Variants in GSG1L observed in about 807,000 individuals in gnomAD.
The protein encoded by GSG1L is germ cell-specific gene 1-like protein.
Under a neutral mutation model 42.1 loss-of-function variants are expected in GSG1L, and 24 were observed. The ratio of observed to expected loss-of-function variants is 0.57; its 90% CI spans 0.41 to 0.80. The LOEUF is 0.80. GSG1L is among the 30% of genes least tolerant of loss of function. GSG1L has a pLI of 0.00. For synonymous variants in GSG1L, 215 were observed against 203.5 expected (o/e 1.06, Z -0.48); for missense variants, 445 against 472.2 (o/e 0.94, Z 0.53).
chr16:27,969,473 T>C (rs1009728010), intron 1 of GSG1L, among the ~76,000 whole-genome samples: 1 of 152,228 alleles, frequency 6.6e-6, no homozygotes, highest in African/African-American at 2.4e-5. Flanking sequence ...AATCATACAA[T>C]ACAATCATAT....
intron 1 of GSG1L, among the ~76,000 whole-genome samples, chr16:27,994,677 G>C (rs746215080): frequency 1.3e-5 from 2 of 152,094 alleles, no homozygotes; most frequent in Non-Finnish European, 2.9e-5. Context: ...TAAGAAGACT[G>C]TGAGTCAATA....
intron 2 of GSG1L, among the ~76,000 whole-genome samples, chr16:27,957,889 A>G (rs117838040): frequency 0.023 from 3,474 of 152,238 alleles, 85 homozygotes; most frequent in Non-Finnish European, 0.036. Context: ...ACATGGCAAG[A>G]GAGAGAGTGA....
intron 1 of GSG1L, among the ~76,000 whole-genome samples, chr16:28,008,740 C>G (rs1567554105): frequency 6.6e-6 from 1 of 152,214 alleles, no homozygotes; most frequent in Admixed American, 6.5e-5. Flanking sequence ...CCTCACTGCA[C>G]ATTTGAGTTA....
chr16:28,050,786 G>C (rs987279986), intron 1 of GSG1L, among the ~76,000 whole-genome samples: 1 of 152,038 alleles, frequency 6.6e-6, no homozygotes, highest in Admixed American at 6.6e-5. Context: ...GAGTTCCAGG[G>C]GTCATTTCTG....
chr16:27,810,988 C>CA lies in GSG1L; in HGVS notation c.831-3435dup, dbSNP rs544812273. The stretch of plus-strand genomic sequence containing the variant: ...CAGGTGTGAACCACCACGCCCGGCC[C>CA]AAAAAAGTCTTTTAATAAAAACATC... On this transcript the variant is annotated intron_variant, in intron 5 of 6. Transcript: ENST00000447459. 5.0e-3 allele frequency among the ~76,000 whole-genome samples: 757 copies of CA among 150,532 alleles called. 7 individuals carry two copies. Among genetic ancestry groups the CA allele is most frequent in the Middle Eastern group, 0.014 (4 of 294 alleles).
chr16:27,833,779 T>C (rs2140971347), intron 4 of GSG1L, among the ~76,000 whole-genome samples: 1 of 152,284 alleles, frequency 6.6e-6, no homozygotes, highest in South Asian at 2.1e-4. Context: ...TGATTTTGTA[T>C]TTTTATCTTC....
intron 3 of GSG1L, among the ~76,000 whole-genome samples, chr16:27,859,400 G>A (rs1047971618): frequency 2.0e-5 from 3 of 152,234 alleles, no homozygotes; most frequent in Non-Finnish European, 4.4e-5. Context: ...GCATGGAGGG[G>A]GGTCTCGGCA....
intron 2 of GSG1L, among the ~76,000 whole-genome samples, chr16:27,891,092 A>C (rs1034139509): frequency 6.6e-6 from 1 of 152,086 alleles, no homozygotes; most frequent in Non-Finnish European, 1.5e-5. Flanking sequence ...GACGTACACC[A>C]ACCTGCCCCC....
intron 3 of GSG1L, among the ~76,000 whole-genome samples, chr16:27,850,096 T>C (rs1318626872): frequency 7.3e-6 from 1 of 136,404 alleles, no homozygotes; most frequent in Non-Finnish European, 1.5e-5. Context: ...TGGCATGATC[T>C]TGGGTCGCCA....
chr16:27,839,210 A>G (rs1432370338), intron 4 of GSG1L, among the ~76,000 whole-genome samples: 2 of 152,214 alleles, frequency 1.3e-5, no homozygotes, highest in Non-Finnish European at 2.9e-5. Flanking sequence ...AGGGCCCCAG[A>G]AACAGAAAGG....
chr16:28,047,113 T>A (rs1038303076), intron 1 of GSG1L, among the ~76,000 whole-genome samples: 2 of 152,120 alleles, frequency 1.3e-5, no homozygotes, highest in Non-Finnish European at 2.9e-5. Context: ...CCCATATGAA[T>A]AAAAACGGGG....
intron 1 of GSG1L, among the ~76,000 whole-genome samples, chr16:28,015,348 T>G (rs1416379536): frequency 6.6e-6 from 1 of 152,152 alleles, no homozygotes; most frequent in Non-Finnish European, 1.5e-5. Flanking sequence ...ACAAAAAAAT[T>G]TTTTTAATTA....
At chr16:27,925,879 G>C (rs972645220) in intron 2 of GSG1L, among the ~76,000 whole-genome samples, 1 of 152,210 alleles carries the variant, frequency 6.6e-6, no homozygotes, top group Non-Finnish European at 1.5e-5. Context: ...TTCCAGGCAA[G>C]GTGCCAGCAC....
intron 1 of GSG1L, among the ~76,000 whole-genome samples, chr16:28,007,517 G>T (rs1242423625): frequency 7.3e-6 from 1 of 136,516 alleles, no homozygotes; most frequent in Non-Finnish European, 1.6e-5. Context: ...GTTGGTTGGT[G>T]GTTGGTTGGT....
At chr16:27,948,280 T>A (rs1263983414) in intron 2 of GSG1L, among the ~76,000 whole-genome samples, 2 of 152,202 alleles carry the variant, frequency 1.3e-5, no homozygotes, top group African/African-American at 2.4e-5. Flanking sequence ...TAACCTAGTG[T>A]AACAGCAGTA....
chr16:27,921,998 G>T (rs1456868151), intron 2 of GSG1L, among the ~76,000 whole-genome samples: 2 of 115,144 alleles, frequency 1.7e-5, no homozygotes, highest in Non-Finnish European at 1.8e-5. Context: ...GTTGTTTGTT[G>T]TCTTTTTTTT....
chr16:27,883,269 A>G (rs903898971), intron 3 of GSG1L, among the ~76,000 whole-genome samples: 5 of 23,738 alleles, frequency 2.1e-4, no homozygotes, highest in Admixed American at 1.7e-3. Flanking sequence ...ATGGAGGGGA[A>G]AAAAAAAAGA....
intron 2 of GSG1L, among the ~76,000 whole-genome samples, chr16:27,961,550 T>G (rs1423046157): frequency 6.6e-6 from 1 of 151,992 alleles, no homozygotes; most frequent in Non-Finnish European, 1.5e-5. Context: ...CAGGTGGGAG[T>G]GAGAATGACA....
At chr16:27,945,150 C>T (rs141655404) in intron 2 of GSG1L, among the ~76,000 whole-genome samples, 1 of 151,108 alleles carries the variant, frequency 6.6e-6, no homozygotes, top group Non-Finnish European at 1.5e-5. Flanking sequence ...GGGGTAAGTG[C>T]TCAAGTAAAT....
Sources: allele counts gnomAD v4.1 joint callset (sites outside exome capture counted in the v4.1 genomes callset), GRCh38; gene constraint gnomAD v4.1.1; transcripts MANE v1.5; gene names NCBI Gene and HGNC (gene_info 2026-07-23, HGNC 2026-07-21).